Variants in VPS50 observed in about 807,000 individuals in gnomAD.
VPS50 encodes the protein VPS50 subunit of EARP/GARPII complex.
Under a neutral mutation model 139.7 loss-of-function variants are expected in VPS50, and 70 were observed. The ratio of observed to expected loss-of-function variants is 0.50; its 90% CI spans 0.41 to 0.61. The LOEUF is 0.61. Among genes scored for constraint, VPS50 ranks in the 20% least tolerant of loss-of-function variants. The pLI, the probability that VPS50 is intolerant of heterozygous loss-of-function variation, is 0.00. For synonymous variants in VPS50, 365 were observed against 376.7 expected, an observed-to-expected ratio of 0.97 and a Z score of 0.36; for missense variants, 921 against 1,133.7, an observed-to-expected ratio of 0.81 and a Z score of 2.69.
At chr7:93,355,838 T>A in intron 26 of VPS50, 53 bp from the exon 27 acceptor site, 1 of 1,137,092 alleles carries the variant, frequency 8.8e-7, no homozygotes, top group Non-Finnish European at 1.2e-6. Context: ...CCTGACAGTT[T>A]TTTGTTTCTA....
chr7:93,340,597 G>A (rs1279892923), intron 22 of VPS50: 2 of 152,116 alleles, frequency 1.3e-5, no homozygotes, highest in Admixed American at 6.5e-5. Context: ...TTATAACATA[G>A]GATATGTTTA....
In VPS50 at chr7:93,260,040, C is replaced by T. The variant is rs372520197; in HGVS notation, c.659+408C>T. Among the ~76,000 whole-genome samples, 70 of 152,222 alleles carry T rather than the reference C, an allele frequency of 4.6e-4. No homozygotes were observed. The South Asian group carries it at 0.014, about 30-fold the overall frequency. On this transcript the variant is annotated intron_variant, in intron 9 of 27. Coordinates refer to ENST00000305866, the MANE Select transcript of VPS50 (RefSeq NM_017667.4). ...AGATCCAGATGGTTCAAGTGTTTGGCTCATCATGATAAAAAGTCTTTTGGA... is the reference window on the plus strand; with the variant it reads ...AGATCCAGATGGTTCAAGTGTTTGGTTCATCATGATAAAAAGTCTTTTGGA...
At chr7:93,345,774 A>C (rs1403292193) in intron 23 of VPS50, among the ~76,000 whole-genome samples, 3 of 152,258 alleles carry the variant, frequency 2.0e-5, no homozygotes, top group Non-Finnish European at 4.4e-5. Context: ...ACAAAATTCA[A>C]CAACCCTTCA....
At chr7:93,261,779 A>G (rs1795692711) in intron 9 of VPS50, among the ~76,000 whole-genome samples, 1 of 152,174 alleles carries the variant, frequency 6.6e-6, no homozygotes, top group Non-Finnish European at 1.5e-5. Flanking sequence ...GATCAAGACT[A>G]AGGAGGACCT....
intron 9 of VPS50, among the ~76,000 whole-genome samples, chr7:93,261,542 G>A (rs1168886836): frequency 2.0e-5 from 3 of 151,774 alleles, no homozygotes; most frequent in Non-Finnish European, 4.4e-5. Context: ...GCCGGGCCTG[G>A]TGGCGGGCGC....
chr7:93,238,316 G>A (rs1794880003), intron 1 of VPS50, among the ~76,000 whole-genome samples: 1 of 149,622 alleles, frequency 6.7e-6, no homozygotes, highest in Non-Finnish European at 1.5e-5. Flanking sequence ...TTTTTCCAGC[G>A]AGCATTCCTA....
At chr7:93,344,515 C>G (rs1322582769) in intron 23 of VPS50, among the ~76,000 whole-genome samples, 1 of 152,210 alleles carries the variant, frequency 6.6e-6, no homozygotes, top group Admixed American at 6.5e-5. Context: ...CACCACAAAT[C>G]AACAGAACAT....
intron 26 of VPS50, 60 bp from the exon 27 acceptor site, chr7:93,355,831 G>A: frequency 9.9e-7 from 1 of 1,009,372 alleles, no homozygotes. Context: ...TCAAATACCT[G>A]ACAGTTTTTT....
At chr7:93,330,208 A>C (rs1797893966) in intron 21 of VPS50, among the ~76,000 whole-genome samples, 1 of 152,194 alleles carries the variant, frequency 6.6e-6, no homozygotes, top group Non-Finnish European at 1.5e-5. Context: ...TCCATAGGAC[A>C]ACCATGAAAC....
chr7:93,356,135 C>T, intron 27 of VPS50, 55 bp downstream of exon 27: 1 of 870,536 alleles, frequency 1.1e-6, no homozygotes, highest in Admixed American at 2.8e-5. Context: ...TTGTGCTGTT[C>T]TTGTTGGGTG....
chr7:93,345,013 C>T (rs1447082216), intron 23 of VPS50, among the ~76,000 whole-genome samples: 3 of 152,130 alleles, frequency 2.0e-5, no homozygotes, highest in Non-Finnish European at 4.4e-5. Context: ...ACACAAAAAA[C>T]CCTTCACAAA....
At chr7:93,259,753 ATATT>A in intron 9 of VPS50, 121 bp downstream of exon 9, 1 of 532,388 alleles carries the variant, frequency 1.9e-6, no homozygotes, top group Non-Finnish European at 3.4e-6. Context: ...TTTAACATTC[ATATT>A]TATATATGGG....
intron 12 of VPS50, among the ~76,000 whole-genome samples, chr7:93,281,604 A>AAAT (rs1159662898): frequency 1.1e-4 from 16 of 152,158 alleles, no homozygotes; most frequent in African/African-American, 3.9e-4. Context: ...CCGACTTCTT[A>AAAT]AACTGGTATG....
At chr7:93,234,050 G>C (rs1794724947) in intron 1 of VPS50, among the ~76,000 whole-genome samples, 1 of 152,160 alleles carries the variant, frequency 6.6e-6, no homozygotes, top group African/African-American at 2.4e-5. Flanking sequence ...GTACCTGTTT[G>C]ATTTTTAAAT....
chr7:93,287,618 CT>C (rs567966994), intron 12 of VPS50, among the ~76,000 whole-genome samples: 52 of 152,074 alleles, frequency 3.4e-4, no homozygotes, highest in Middle Eastern at 3.4e-3. Context: ...TTGCCTTTTT[CT>C]TATCTACCAG....
chr7:93,351,992 TTC>T (rs1798574757), intron 25 of VPS50, among the ~76,000 whole-genome samples: 1 of 152,202 alleles, frequency 6.6e-6, no homozygotes, highest in Admixed American at 6.5e-5. Flanking sequence ...CTTTTGTTCT[TTC>T]TGTTACTTTT....
At chr7:93,252,983 G>T (rs1795380192) in intron 3 of VPS50, among the ~76,000 whole-genome samples, 1 of 152,114 alleles carries the variant, frequency 6.6e-6, no homozygotes, top group African/African-American at 2.4e-5. Context: ...ACCGTTCAGG[G>T]AAACATTTCT....
chr7:93,266,530 G>T (rs1562859383), intron 9 of VPS50, among the ~76,000 whole-genome samples: 1 of 152,122 alleles, frequency 6.6e-6, no homozygotes, highest in Admixed American at 6.5e-5. Flanking sequence ...GTTGTTTAAA[G>T]AACACTATTA....
rs1795022957 is a variant in VPS50 at position 93,242,483 on chromosome 7, A to G, written c.102+2549A>G. On this transcript the variant is annotated intron_variant, in intron 2 of 27. Coordinates refer to ENST00000305866, the MANE Select transcript of VPS50 (RefSeq NM_017667.4). Reference sequence around the variant, plus strand: ...GCTTGGGTTTTTAACTTGGTGATATATATATATATATAACATAGAAAATTC... The same window carrying G: ...GCTTGGGTTTTTAACTTGGTGATATGTATATATATATAACATAGAAAATTC... Among the ~76,000 whole-genome samples the G allele has an allele frequency of 2.6e-5, 4 of 151,624 alleles. No individual in the cohort carries two copies. The South Asian group carries it at 8.3e-4, about 31-fold the overall frequency.
Sources: allele counts gnomAD v4.1 joint callset (sites outside exome capture counted in the v4.1 genomes callset), GRCh38; gene constraint gnomAD v4.1.1; transcripts MANE v1.5; gene names NCBI Gene and HGNC (gene_info 2026-07-23, HGNC 2026-07-21).